Variants in SPIRE1 observed in about 807,000 individuals in gnomAD.
SPIRE1 encodes protein spire homolog 1.
Under a neutral mutation model 94.1 loss-of-function variants are expected in SPIRE1, and 40 were observed. The observed-to-expected ratio is 0.43, with a 90% CI of 0.33 to 0.55. SPIRE1 has a LOEUF of 0.55. Ranked by LOEUF, SPIRE1 falls within the 20% of genes least tolerant of loss-of-function variation. SPIRE1 has a pLI of 0.06. For missense variants in SPIRE1, 838 were observed against 975.2 expected (o/e 0.86, Z 1.87); for synonymous variants, 376 against 371.7 (o/e 1.01, Z -0.13).
intron 2 of SPIRE1, among the ~76,000 whole-genome samples, chr18:12,584,319 A>G (rs2036334853): frequency 6.6e-6 from 1 of 152,000 alleles, no homozygotes; most frequent in African/African-American, 2.4e-5. Flanking sequence ...AGTCCCAGCT[A>G]CTTGGGAGGC....
intron 2 of SPIRE1, among the ~76,000 whole-genome samples, chr18:12,587,848 T>A (rs1190909693): frequency 6.6e-6 from 1 of 152,226 alleles, no homozygotes; most frequent in Non-Finnish European, 1.5e-5. Context: ...ACAATCACCA[T>A]ACAATGCACC....
Position 12,447,270 on chromosome 18 carries a change from G to C in SPIRE1, c.*2368C>G, listed in dbSNP as rs2030979884. ...CAGCCAGACATTTCTTTTGTTGTTG[G>C]ATTAGAAGTAAAACTGAACAAGAAA... On this transcript the variant is annotated 3_prime_UTR_variant, in exon 17 of 17. Coordinates refer to ENST00000409402, the MANE Select transcript of SPIRE1 (RefSeq NM_001128626.2). 1.4e-5 allele frequency: 1 copy of C among 73,406 alleles called. No individual in the cohort carries two copies. Among genetic ancestry groups the C allele is most frequent in the South Asian group, 4.5e-4 (1 of 2,224 alleles). The allele number at this position is 73,406 out of a possible 1,614,324, so 4.5% of individuals were successfully genotyped here. A position where few individuals can be genotyped will look rare whatever the true frequency, so the allele number is the denominator to read the frequency against.
At chr18:12,599,393 T>C (rs974839854) in intron 2 of SPIRE1, among the ~76,000 whole-genome samples, 4 of 152,132 alleles carry the variant, frequency 2.6e-5, no homozygotes, top group South Asian at 2.1e-4. Flanking sequence ...CCTGAATAGC[T>C]AGGACTACAG....
At chr18:12,467,956 A>G (rs2032191100) in intron 10 of SPIRE1, among the ~76,000 whole-genome samples, 1 of 147,648 alleles carries the variant, frequency 6.8e-6, no homozygotes, top group South Asian at 2.1e-4. Context: ...TCTCAAAAGG[A>G]AAAAAAAAAA....
Position 12,576,564 on chromosome 18 carries a change from AG to A in SPIRE1, c.373-29661del, listed in dbSNP as rs572749589. ...GCCACTGCACTCCAGCCTGGGCATCAGAAGGAGACTCCATCTCAAAAAAAAA... is the reference window on the plus strand; with the variant it reads ...GCCACTGCACTCCAGCCTGGGCATCAAAGGAGACTCCATCTCAAAAAAAAA... On this transcript the variant is annotated intron_variant, in intron 2 of 16. Transcript: ENST00000409402. 3.5e-4 allele frequency among the ~76,000 whole-genome samples: 48 copies of A among 137,976 alleles called. No homozygotes were observed. The East Asian group carries it at 9.7e-3, about 28-fold the overall frequency. The allele number at this position is 137,976 out of a possible 152,430, so 90.5% of individuals were successfully genotyped here.
At chr18:12,573,843 C>CA (rs1370858327) in intron 2 of SPIRE1, among the ~76,000 whole-genome samples, 1 of 152,060 alleles carries the variant, frequency 6.6e-6, no homozygotes, top group Non-Finnish European at 1.5e-5. Flanking sequence ...GGGTTCACGC[C>CA]ATTCTCCTGC....
chr18:12,463,220 T>C, intron 12 of SPIRE1, 131 bp downstream of exon 12: 1 of 929,004 alleles, frequency 1.1e-6, no homozygotes, highest in Non-Finnish European at 1.6e-6. Context: ...TCTTTAGCTA[T>C]TAAGTAAGTT....
At chr18:12,476,109 T>C (rs981777458) in intron 10 of SPIRE1, among the ~76,000 whole-genome samples, 6 of 152,218 alleles carry the variant, frequency 3.9e-5, no homozygotes, top group Admixed American at 3.9e-4. Context: ...TCTACCACTA[T>C]TAAAGAGAAC....
chr18:12,539,478 T>A (rs1260748156), intron 3 of SPIRE1, among the ~76,000 whole-genome samples: 1 of 152,022 alleles, frequency 6.6e-6, no homozygotes, highest in Admixed American at 6.6e-5. Context: ...TATGTCTTTA[T>A]CAGCAGTATG....
At chr18:12,598,411 G>T (rs913952325) in intron 2 of SPIRE1, among the ~76,000 whole-genome samples, 4 of 151,790 alleles carry the variant, frequency 2.6e-5, no homozygotes, top group African/African-American at 9.7e-5. Context: ...CTTTCTGGCA[G>T]TATCTGTCCT....
chr18:12,617,890 C>T (rs1047528188), intron 2 of SPIRE1, among the ~76,000 whole-genome samples: 2 of 152,006 alleles, frequency 1.3e-5, no homozygotes, highest in African/African-American at 4.8e-5. Context: ...AATACTCTAG[C>T]AAAACTGAAC....
At chr18:12,495,128 A>G (rs919356851) in intron 7 of SPIRE1, among the ~76,000 whole-genome samples, 2 of 151,812 alleles carry the variant, frequency 1.3e-5, no homozygotes, top group Non-Finnish European at 2.9e-5. Context: ...ATCATTAATT[A>G]TGCTTTAGTT....
intron 2 of SPIRE1, among the ~76,000 whole-genome samples, chr18:12,551,339 T>C (rs2035342578): frequency 6.6e-6 from 1 of 152,252 alleles, no homozygotes; most frequent in South Asian, 2.1e-4. Flanking sequence ...TCTGAGTTCC[T>C]TTTTGTATAT....
intron 1 of SPIRE1, among the ~76,000 whole-genome samples, chr18:12,654,601 G>A (rs1032909024): frequency 6.6e-6 from 1 of 151,526 alleles, no homozygotes; most frequent in African/African-American, 2.4e-5. Context: ...CTTGCAGTGA[G>A]CTGAGATCGC....
intron 8 of SPIRE1, among the ~76,000 whole-genome samples, chr18:12,488,580 C>T (rs2033119954): frequency 6.6e-6 from 1 of 151,860 alleles, no homozygotes; most frequent in Admixed American, 6.6e-5. Context: ...TTTTTATTTA[C>T]AACCCAAAAG....
rs58238813 is a variant in SPIRE1, at chr18:12,597,157, TACACACACACACACACACACACACAC to T, written c.372+37879_372+37904del. Reference sequence around the variant, plus strand: ...GCAACTTCCCTCTAGTGTCTCTTTCTACACACACACACACACACACACACACACACACACACACACACACACACAGA... The same window carrying T: ...GCAACTTCCCTCTAGTGTCTCTTTCTACACACACACACACACACACACAGA... On this transcript the variant is annotated intron_variant, in intron 2 of 16. Transcript: ENST00000409402. Among the ~76,000 whole-genome samples, 64 of 144,206 alleles carry T rather than the reference TACACACACACACACACACACACACAC, an allele frequency of 4.4e-4. No homozygotes were observed. In the East Asian group the frequency reaches 7.3e-3, roughly 16 times the overall value. The allele number at this position is 144,206 out of a possible 152,430, so 94.6% of individuals were successfully genotyped here.
rs754764903 is a variant in SPIRE1 at position 12,535,580 on chromosome 18, T to C, written c.625A>G (p.Thr209Ala). Residue 209 changes from threonine to alanine, a missense_variant, in exon 4 of 17, where the codon ACT (threonine) becomes GCT (alanine). Coordinates refer to ENST00000409402, the MANE Select transcript of SPIRE1 (RefSeq NM_001128626.2). ...VMKLCAAHLP[T>A]ESDAPNHYQA... ...TAATGATTTGGTGCATCTGATTCAG[T>C]AGGGAGATGAGCAGCACACAACTAT... 1 of 1,612,978 alleles carries C rather than the reference T, an allele frequency of 6.2e-7. No individual in the cohort carries two copies. The highest frequency in any genetic ancestry group is 8.5e-7 in the Non-Finnish European group (1 of 1,179,170).
chr18:12,625,252 G>A lies in SPIRE1; in HGVS notation c.372+9810C>T, dbSNP rs184886347. ...TACAGACACAATTTCCTCTGAGGAC[G>A]TACAAACTGATTTCCACACCGTGTT... On this transcript the variant is annotated intron_variant, in intron 2 of 16. Coordinates refer to ENST00000409402, the MANE Select transcript of SPIRE1 (RefSeq NM_001128626.2). Among the ~76,000 whole-genome samples, 285 of 152,294 alleles carry A rather than the reference G, an allele frequency of 1.9e-3. 1 individual carries two copies. Among genetic ancestry groups the A allele is most frequent in the Non-Finnish European group, 3.2e-3 (219 of 68,022 alleles).
intron 2 of SPIRE1, among the ~76,000 whole-genome samples, chr18:12,552,061 T>C (rs1185333197): frequency 6.6e-6 from 1 of 152,212 alleles, no homozygotes; most frequent in Non-Finnish European, 1.5e-5. Flanking sequence ...CTGAGGCCAA[T>C]GCCCACTCAC....
Sources: gnomAD v4.1 joint callset for allele counts (sites outside exome capture counted in the v4.1 genomes callset) on GRCh38, gnomAD v4.1.1 for gene constraint, MANE v1.5 for transcripts, NCBI Gene and HGNC (gene_info 2026-07-23, HGNC 2026-07-21) for gene names.